Variants in OSBPL10 observed in about 807,000 individuals in gnomAD.
OSBPL10 encodes the protein oxysterol-binding protein-related protein 10.
OSBPL10 carries 49 observed loss-of-function variants against 81.7 expected under a neutral mutation model. The ratio of observed to expected loss-of-function variants is 0.60; its 90% CI spans 0.48 to 0.76. The LOEUF is 0.76. Among genes scored for constraint, OSBPL10 ranks in the 30% least tolerant of loss-of-function variants. OSBPL10 has a pLI of 0.00. For synonymous variants in OSBPL10, 419 were observed against 383.6 expected (o/e 1.09, Z -1.08); for missense variants, 923 against 987.8 (o/e 0.93, Z 0.88).
chr3:31,962,817 A>C (rs1333226608), intron 1 of OSBPL10, among the ~76,000 whole-genome samples: 1 of 152,238 alleles, frequency 6.6e-6, no homozygotes, highest in Non-Finnish European at 1.5e-5. Flanking sequence ...CAATGCCAAA[A>C]TCACTGCTGC....
chr3:32,008,141 A>C (rs1699221369), intron 2 of OSBPL10, among the ~76,000 whole-genome samples: 1 of 151,858 alleles, frequency 6.6e-6, no homozygotes, highest in Non-Finnish European at 1.5e-5. Flanking sequence ...TTTAATTTAA[A>C]ATTATTGTAT....
chr3:32,071,649 T>C (rs1421427130), intron 1 of OSBPL10, among the ~76,000 whole-genome samples: 1 of 152,230 alleles, frequency 6.6e-6, no homozygotes, highest in Admixed American at 6.5e-5. Context: ...AATCACAAAC[T>C]ATGCTCAACT....
At chr3:31,952,731 A>G (rs1697904209) in intron 1 of OSBPL10, among the ~76,000 whole-genome samples, 1 of 152,160 alleles carries the variant, frequency 6.6e-6, no homozygotes, top group Non-Finnish European at 1.5e-5. Context: ...TGGCTCTGAT[A>G]TTACTAAATA....
At chr3:31,762,814 A>G (rs1698090652) in intron 4 of OSBPL10, among the ~76,000 whole-genome samples, 1 of 151,776 alleles carries the variant, frequency 6.6e-6, no homozygotes, top group South Asian at 2.1e-4. Flanking sequence ...GGGCTGAAAG[A>G]GTAAACCATT....
chr3:31,784,515 G>A (rs146211350), intron 4 of OSBPL10, among the ~76,000 whole-genome samples: 82 of 152,294 alleles, frequency 5.4e-4, no homozygotes, highest in African/African-American at 1.8e-3. Flanking sequence ...AAATATGCAT[G>A]TACAAGTTAT....
At chr3:31,997,095 G>A (rs1699096918) in intron 2 of OSBPL10, among the ~76,000 whole-genome samples, 1 of 152,074 alleles carries the variant, frequency 6.6e-6, no homozygotes, top group Admixed American at 6.6e-5. Context: ...ATCATCATAT[G>A]CTTAAATTTA....
At chr3:31,802,549 CAAAAAAA>C (rs746823677) in intron 4 of OSBPL10, among the ~76,000 whole-genome samples, 83 of 94,994 alleles carry the variant, frequency 8.7e-4, no homozygotes, top group Admixed American at 5.2e-4. Flanking sequence ...GCCTGGGTAT[CAAAAAAA>C]AAAAAAAAAA....
At position 31,839,450 on chromosome 3, in the gene OSBPL10, G is replaced by T. The variant is rs372704029; in HGVS notation, c.538-9219C>A. ...AGAAATGGCATCCTGGTGAGAGAAAGAGTTCCTCCCCACCCACCACCCCCT... is the reference window on the plus strand; with the variant it reads ...AGAAATGGCATCCTGGTGAGAGAAATAGTTCCTCCCCACCCACCACCCCCT... On this transcript the variant is annotated intron_variant, in intron 3 of 11. Coordinates refer to ENST00000396556, the MANE Select transcript of OSBPL10 (RefSeq NM_017784.5). Among the ~76,000 whole-genome samples, 126 of 152,214 alleles carry T rather than the reference G, an allele frequency of 8.3e-4. 1 individual carries two copies. The highest frequency in any genetic ancestry group is 6.8e-3 in the Middle Eastern group (2 of 294).
chr3:31,902,729 A>G (rs2125679517), intron 1 of OSBPL10, among the ~76,000 whole-genome samples: 1 of 152,034 alleles, frequency 6.6e-6, no homozygotes, highest in South Asian at 2.1e-4. Context: ...CGCCTGGCTA[A>G]TTTTTTTTGT....
At chr3:31,887,344 T>C (rs980627519) in intron 1 of OSBPL10, among the ~76,000 whole-genome samples, 3 of 152,186 alleles carry the variant, frequency 2.0e-5, no homozygotes, top group African/African-American at 7.2e-5. Flanking sequence ...TATGGATGCA[T>C]TTTCCCGAGT....
intron 1 of OSBPL10, among the ~76,000 whole-genome samples, chr3:31,883,544 T>TG (rs1310020683): frequency 1.3e-5 from 2 of 148,350 alleles, no homozygotes; most frequent in African/African-American, 2.5e-5. Context: ...TTTTTGTTGT[T>TG]TTTTTTTTTT....
intron 4 of OSBPL10, among the ~76,000 whole-genome samples, chr3:31,800,338 C>T (rs546949274): frequency 6.6e-6 from 1 of 152,174 alleles, no homozygotes; most frequent in Non-Finnish European, 1.5e-5. Context: ...TGTGATCACA[C>T]CCAAACAGAA....
chr3:31,723,787 T>G (rs1319918163), intron 6 of OSBPL10, among the ~76,000 whole-genome samples: 2 of 152,188 alleles, frequency 1.3e-5, no homozygotes, highest in Non-Finnish European at 2.9e-5. Flanking sequence ...TTCCATAACA[T>G]TCTTTCTCCA....
intron 1 of OSBPL10, among the ~76,000 whole-genome samples, chr3:31,954,427 C>T (rs1479035607): frequency 1.3e-5 from 2 of 152,156 alleles, no homozygotes; most frequent in Non-Finnish European, 2.9e-5. Flanking sequence ...TAAAGCTAGC[C>T]GTCTCAGCAA....
Position 32,041,102 on chromosome 3 carries a change from C to T in OSBPL10, n.298+5389G>A, listed in dbSNP as rs114341740. 2.5e-3 allele frequency among the ~76,000 whole-genome samples: 373 copies of T among 152,204 alleles called. 5 individuals carry two copies. Among genetic ancestry groups the T allele is most frequent in the African/African-American group, 8.0e-3 (334 of 41,524 alleles). ...GTGCCCGCTTGGACAGAAATTAGCC[C>T]GGAGCCAGCTTCCTCCGTGCCACAT... On this transcript the variant is annotated intron_variant and non_coding_transcript_variant, in intron 2 of 3. Coordinates refer to the OSBPL10 transcript ENST00000479173.
intron 3 of OSBPL10, among the ~76,000 whole-genome samples, chr3:31,866,855 A>T (rs1014435196): frequency 1.3e-4 from 20 of 152,090 alleles, no homozygotes; most frequent in African/African-American, 4.6e-4. Flanking sequence ...AATCCAAAAG[A>T]CCTGTAATTT....
chr3:31,963,016 G>A (rs959797643), intron 1 of OSBPL10, among the ~76,000 whole-genome samples: 3 of 152,118 alleles, frequency 2.0e-5, no homozygotes, highest in African/African-American at 4.8e-5. Flanking sequence ...TCTCAAAGGA[G>A]CCATGTGTTT....
At chr3:31,892,823 A>C (rs1213605847) in intron 1 of OSBPL10, among the ~76,000 whole-genome samples, 2 of 152,186 alleles carry the variant, frequency 1.3e-5, no homozygotes, top group Non-Finnish European at 2.9e-5. Context: ...CACTGGCCTG[A>C]GGTTGCTGCC....
intron 7 of OSBPL10, among the ~76,000 whole-genome samples, chr3:31,697,391 T>TG (rs35807706): frequency 6.6e-6 from 1 of 151,542 alleles, no homozygotes; most frequent in African/African-American, 2.4e-5. Context: ...TAAAAAAAAT[T>TG]GGGGGGGGGT....
Sources: allele counts gnomAD v4.1 joint callset (sites outside exome capture counted in the v4.1 genomes callset), GRCh38; gene constraint gnomAD v4.1.1; transcripts MANE v1.5; gene names NCBI Gene and HGNC (gene_info 2026-07-23, HGNC 2026-07-21).